KPNA6: variants seen among roughly 807,000 people sequenced by gnomAD.
KPNA6 encodes the protein importin subunit alpha-7.
Under a neutral mutation model 72.0 loss-of-function variants are expected in KPNA6, and 9 were observed. That is an observed-to-expected ratio of 0.13 (90% CI 0.08 to 0.22). The LOEUF is 0.22. Ranked by LOEUF, KPNA6 falls within the 10% of genes least tolerant of loss-of-function variation. The pLI is 1.00. For missense variants in KPNA6, 374 were observed against 655.7 expected (o/e 0.57, Z 4.69); for synonymous variants, 219 against 242.1 (o/e 0.90, Z 0.89).
intron 1 of KPNA6, among the ~76,000 whole-genome samples, chr1:32,136,482 A>T (rs1641738201): frequency 6.6e-6 from 1 of 152,234 alleles, no homozygotes; most frequent in Non-Finnish European, 1.5e-5. Context: ...TTCTCTTGAA[A>T]ATCTGATCTA....
intron 1 of KPNA6, among the ~76,000 whole-genome samples, chr1:32,110,102 T>G (rs1441618401): frequency 6.7e-6 from 1 of 149,104 alleles, no homozygotes; most frequent in Non-Finnish European, 1.5e-5. Context: ...TTCACTCTTG[T>G]CTCCCATGCT....
At chr1:32,149,564 T>G (rs1354939629) in intron 1 of KPNA6, among the ~76,000 whole-genome samples, 1 of 152,178 alleles carries the variant, frequency 6.6e-6, no homozygotes, top group East Asian at 1.9e-4. Flanking sequence ...TGGGCCATGC[T>G]TCCCTGTTTT....
intron 1 of KPNA6, among the ~76,000 whole-genome samples, chr1:32,116,460 A>G (rs1641330617): frequency 6.6e-6 from 1 of 152,062 alleles, no homozygotes; most frequent in African/African-American, 2.4e-5. Context: ...GGAGTTCAAG[A>G]TCAGCCTGAC....
intron 1 of KPNA6, among the ~76,000 whole-genome samples, chr1:32,120,445 A>T (rs1412432727): frequency 6.7e-6 from 1 of 150,254 alleles, no homozygotes; most frequent in Non-Finnish European, 1.5e-5. Context: ...GCGGGGTTTC[A>T]CCATGTTGGC....
At chr1:32,128,055 T>C (rs1385777928) in intron 1 of KPNA6, among the ~76,000 whole-genome samples, 1 of 152,106 alleles carries the variant, frequency 6.6e-6, no homozygotes, top group Non-Finnish European at 1.5e-5. Context: ...AATTGAGCTC[T>C]TTCATTTTCC....
At position 32,135,720 on chromosome 1, in the gene KPNA6, A is replaced by G. The variant is rs558253750; in HGVS notation, c.5-18868A>G. 1.2e-3 allele frequency among the ~76,000 whole-genome samples: 187 copies of G among 150,654 alleles called. 10 individuals are homozygous for G. The South Asian group carries it at 0.038, about 30-fold the overall frequency. ...TGGGCTCAAGTGATCTGACTGCCTC[A>G]GCCTCCCGAAGTGCTGGAATTACAG... is the stretch of plus-strand genomic sequence containing the variant. On this transcript the variant is annotated intron_variant, in intron 1 of 13. Transcript: ENST00000373625.
intron 7 of KPNA6, among the ~76,000 whole-genome samples, chr1:32,161,183 A>G (rs914457372): frequency 2.6e-5 from 4 of 152,144 alleles, no homozygotes; most frequent in Admixed American, 1.3e-4. Context: ...CCATCTGCCA[A>G]AAAGGATCTT....
chr1:32,108,806 TG>T (rs1016541915), intron 1 of KPNA6, among the ~76,000 whole-genome samples: 90 of 152,352 alleles, frequency 5.9e-4, no homozygotes, highest in African/African-American at 2.1e-3. Flanking sequence ...TTTAGGTTTC[TG>T]GGCTGGCCCT....
At chr1:32,140,640 A>G (rs1375904500) in intron 1 of KPNA6, among the ~76,000 whole-genome samples, 1 of 152,208 alleles carries the variant, frequency 6.6e-6, no homozygotes, top group Non-Finnish European at 1.5e-5. Flanking sequence ...TAGTTCGGCT[A>G]TTCTTGAGAA....
chr1:32,156,040 C>T (rs186385636), intron 2 of KPNA6, among the ~76,000 whole-genome samples: 19 of 149,338 alleles, frequency 1.3e-4, no homozygotes, highest in Admixed American at 7.5e-4. Context: ...TGCAGGCATG[C>T]GCCACTGTGC....
At chr1:32,163,906 A>G (rs144058970) in intron 10 of KPNA6, among the ~76,000 whole-genome samples, 148 of 152,372 alleles carry the variant, frequency 9.7e-4, no homozygotes, top group Non-Finnish European at 1.7e-3. Flanking sequence ...TTGTATATGT[A>G]TATGCATGTA....
At chr1:32,136,852 T>C (rs1278201927) in intron 1 of KPNA6, among the ~76,000 whole-genome samples, 2 of 152,244 alleles carry the variant, frequency 1.3e-5, no homozygotes, top group African/African-American at 4.8e-5. Flanking sequence ...ACACTATTAC[T>C]GCCAGCGTTT....
chr1:32,159,709 T>C (rs1642202305), intron 6 of KPNA6, among the ~76,000 whole-genome samples, 178 bp downstream of exon 6: 1 of 152,216 alleles, frequency 6.6e-6, no homozygotes, highest in Admixed American at 6.5e-5. Flanking sequence ...TGGGGCAGTC[T>C]TGTGGGACTA....
intron 1 of KPNA6, among the ~76,000 whole-genome samples, chr1:32,127,752 A>G (rs1641559608): frequency 6.6e-6 from 1 of 152,166 alleles, no homozygotes; most frequent in Admixed American, 6.5e-5. Context: ...AACCCTTCAG[A>G]AATATTAACC....
intron 1 of KPNA6, among the ~76,000 whole-genome samples, chr1:32,133,969 G>A (rs563955649): frequency 1.5e-4 from 23 of 152,190 alleles, no homozygotes; most frequent in Middle Eastern, 3.4e-3. Flanking sequence ...GAGGCCAGGC[G>A]TGGTGGCTCA....
In KPNA6 at chr1:32,172,911, CT is replaced by C; in HGVS notation, c.*2019del. 2.5e-6 allele frequency: 1 copy of C among 395,650 alleles called. No homozygotes were observed. Among genetic ancestry groups the C allele is most frequent in the African/African-American group, 2.1e-5 (1 of 48,656 alleles). 24.5% of individuals were successfully genotyped at this position (395,650 alleles called of 1,614,324 possible). On this transcript the variant is annotated 3_prime_UTR_variant, in exon 14 of 14. Transcript: ENST00000373625. ...TGCTTATAGACCTAAAGTTCAGGTA[CT>C]TATTATTGGCCATTGATCTTGAATT...
intron 1 of KPNA6, among the ~76,000 whole-genome samples, chr1:32,128,870 T>C (rs1217463962): frequency 6.6e-6 from 1 of 152,234 alleles, no homozygotes; most frequent in Non-Finnish European, 1.5e-5. Flanking sequence ...AGCATTTTAC[T>C]GTTTACAAAG....
chr1:32,122,229 A>G (rs191760553), intron 1 of KPNA6, among the ~76,000 whole-genome samples: 1 of 152,046 alleles, frequency 6.6e-6, no homozygotes, highest in Admixed American at 6.6e-5. Context: ...AGCCGAGATC[A>G]TATCATTGCA....
chr1:32,152,600 C>G (rs1255890974), intron 1 of KPNA6, among the ~76,000 whole-genome samples: 4 of 152,194 alleles, frequency 2.6e-5, no homozygotes, highest in Middle Eastern at 6.8e-3. Context: ...AATCCCAGCA[C>G]TTTGGGAGGC....
Sources: gnomAD v4.1 joint callset for allele counts (sites outside exome capture counted in the v4.1 genomes callset) on GRCh38, gnomAD v4.1.1 for gene constraint, MANE v1.5 for transcripts, NCBI Gene and HGNC (gene_info 2026-07-23, HGNC 2026-07-21) for gene names.